Variants in SPATA3 observed in about 807,000 individuals in gnomAD.
SPATA3 encodes the protein spermatogenesis associated 3.
SPATA3 carries 6 observed loss-of-function variants against 5.7 expected under a neutral mutation model. That is an observed-to-expected ratio of 1.06 (90% confidence interval 0.58 to 2.09). The LOEUF (loss-of-function observed/expected upper bound fraction) is 2.09, where lower values mean the gene tolerates loss of function less well. SPATA3 is among the 30% of genes most tolerant of loss of function. The pLI is 0.00. For missense variants in SPATA3, 155 were observed against 130.4 expected (o/e 1.19, Z -0.92); for synonymous variants, 44 against 48.4 (o/e 0.91, Z 0.37).
chr2:231,015,155 C>T (rs1280699764), intron 6 of SPATA3, among the ~76,000 whole-genome samples: 1 of 151,598 alleles, frequency 6.6e-6, no homozygotes, highest in East Asian at 1.9e-4. Flanking sequence ...GCAAACCCTA[C>T]AGAGTCCCAA....
Position 231,002,678 on chromosome 2 carries a change from C to G in SPATA3, c.963-6C>G, listed in dbSNP as rs1450666753. The G allele has an allele frequency of 2.0e-6, 3 of 1,500,050 alleles. No individual in the cohort carries two copies. Among genetic ancestry groups the G allele is most frequent in the Non-Finnish European group, 1.8e-6 (2 of 1,120,328 alleles). The allele number at this position is 1,500,050 out of a possible 1,614,324, so 92.9% of individuals were successfully genotyped here. A position where few individuals can be genotyped will look rare whatever the true frequency, so the allele number is the denominator to read the frequency against. On this transcript the variant is annotated splice_region_variant and splice_polypyrimidine_tract_variant and intron_variant, in intron 2 of 2. Transcript: ENST00000645363. ...CCACCACCCCCACTTCTGCTTTGCTCTACAGAAAATCTTCAAGAAAACCCT... is the reference window on the plus strand; with the variant it reads ...CCACCACCCCCACTTCTGCTTTGCTGTACAGAAAATCTTCAAGAAAACCCT...
downstream of SPATA3, among the ~76,000 whole-genome samples, chr2:231,006,374 G>C (rs1189036867): frequency 6.6e-5 from 10 of 151,358 alleles, no homozygotes; most frequent in South Asian, 8.3e-4. Context: ...GTGGTGGCGG[G>C]CACCTGTAGT....
chr2:230,996,499 C>T (rs1198873431), intron 1 of SPATA3: 3 of 1,552,126 alleles, frequency 1.9e-6, no homozygotes, highest in Non-Finnish European at 2.6e-6. Flanking sequence ...TCTCCAGATG[C>T]TAACGTGAAG....
chr2:231,000,412 C>A lies in SPATA3; in HGVS notation c.837C>A (p.Cys279Ter), dbSNP rs1397485042. ...CGCATTCCTGCTCCTGTGCCACTTG[C>A]CCCTGCAGCTCCGCTTGCTGGCGTC... The change falls in exon 2 of 3, where the codon TGC becomes TGA. Residue 279 changes from cysteine (C) to a stop codon, truncating the protein, a stop_gained. Transcript: ENST00000645363. LOFTEE classifies it high-confidence loss of function. 3 of 1,542,352 alleles carry A rather than the reference C, an allele frequency of 1.9e-6. No homozygotes were observed. Among genetic ancestry groups the A allele is most frequent in the Non-Finnish European group, 2.6e-6 (3 of 1,140,818 alleles).
downstream of SPATA3, among the ~76,000 whole-genome samples, chr2:231,005,382 CCACCACCATCAT>C (rs1692561813): frequency 1.1e-5 from 1 of 91,216 alleles, no homozygotes; most frequent in Admixed American, 1.1e-4. Flanking sequence ...ACCACCATCA[CCACCACCATCAT>C]CACCACCACC....
chr2:231,014,082 C>A (rs559742882), exon 6 of SPATA3: 3 of 151,962 alleles, frequency 2.0e-5, no homozygotes, highest in African/African-American at 7.3e-5. Flanking sequence ...GGTTAGACAC[C>A]CTTCATCACA....
At chr2:231,017,292 C>T (rs1692958447) in intron 6 of SPATA3, among the ~76,000 whole-genome samples, 1 of 152,204 alleles carries the variant, frequency 6.6e-6, no homozygotes, top group African/African-American at 2.4e-5. Context: ...TTTCCCACTG[C>T]CCCCCTTTGC....
chr2:230,996,201 T>C lies in SPATA3; in HGVS notation c.791-4165T>C, dbSNP rs1054886927. 25 of 1,534,836 alleles carry C rather than the reference T, an allele frequency of 1.6e-5. No individual in the cohort carries two copies. The highest frequency in any genetic ancestry group is 9.6e-5 in the African/African-American group (7 of 72,742). On this transcript the variant is annotated intron_variant, in intron 1 of 2. An upstream start codon of the reference 5' UTR is lost. Coordinates refer to ENST00000645363, the Ensembl canonical transcript of SPATA3. ...GGAGCCGGGAGATTACGCAGCTCCA[T>C]GTAGGTCCACGTTTAGGTTGGGAGG... is the stretch of plus-strand genomic sequence containing the variant.
At chr2:231,011,085 A>AAAAAAG (rs568384228), downstream of SPATA3, among the ~76,000 whole-genome samples, 7 of 146,090 alleles carry the variant, frequency 4.8e-5, no homozygotes, top group African/African-American at 1.9e-4. Context: ...AAAAAAAAAA[A>AAAAAAG]AAAAGAAAAG....
chr2:231,010,578 A>G (rs1386844380), downstream of SPATA3, among the ~76,000 whole-genome samples: 2 of 152,166 alleles, frequency 1.3e-5, no homozygotes, highest in Non-Finnish European at 2.9e-5. Flanking sequence ...TCTTGTTTCT[A>G]TGGCATCTTG....
chr2:231,004,915 C>T (rs113030450), downstream of SPATA3, among the ~76,000 whole-genome samples: 23 of 152,178 alleles, frequency 1.5e-4, no homozygotes, highest in African/African-American at 5.3e-4. Context: ...ATAGCTACAT[C>T]ACCACTACTA....
intron 1 of SPATA3, among the ~76,000 whole-genome samples, chr2:230,997,347 G>T (rs1445364190): frequency 2.0e-5 from 3 of 152,090 alleles, no homozygotes; most frequent in African/African-American, 7.2e-5. Context: ...ATGATTGTGA[G>T]GCCTCCCCAG....
chr2:231,006,788 T>G (rs1692643088), downstream of SPATA3: 1 of 152,220 alleles, frequency 6.6e-6, no homozygotes, highest in Non-Finnish European at 1.5e-5. Flanking sequence ...AGAATTTTCT[T>G]TCCTAAAGTT....
At chr2:231,007,650 G>A (rs1332987945), downstream of SPATA3, among the ~76,000 whole-genome samples, 2 of 152,248 alleles carry the variant, frequency 1.3e-5, no homozygotes, top group Non-Finnish European at 2.9e-5. Flanking sequence ...CTGTGCCCAG[G>A]AACACTGTCT....
chr2:231,009,629 A>C (rs1692731903), downstream of SPATA3, among the ~76,000 whole-genome samples: 2 of 152,170 alleles, frequency 1.3e-5, no homozygotes, highest in Non-Finnish European at 2.9e-5. Context: ...GTCGTGGGCC[A>C]TAGGGATCCC....
chr2:231,017,437 C>T (rs1275447634), intron 6 of SPATA3, among the ~76,000 whole-genome samples: 2 of 152,208 alleles, frequency 1.3e-5, no homozygotes, highest in African/African-American at 4.8e-5. Flanking sequence ...AATTTCCCAG[C>T]ATTCTGAGCA....
intron 6 of SPATA3, among the ~76,000 whole-genome samples, chr2:231,018,680 T>C (rs1216149032): frequency 6.6e-6 from 1 of 152,072 alleles, no homozygotes; most frequent in African/African-American, 2.4e-5. Flanking sequence ...GTTTTCAGTA[T>C]TGGTTTTTCT....
chr2:231,004,041 C>T (rs1458998115), downstream of SPATA3: 1 of 152,176 alleles, frequency 6.6e-6, no homozygotes, highest in Non-Finnish European at 1.5e-5. Flanking sequence ...ACTTCCAGAC[C>T]TCCACCAGCC....
intron 6 of SPATA3, among the ~76,000 whole-genome samples, chr2:231,017,179 C>T (rs1692956692): frequency 6.6e-6 from 1 of 152,218 alleles, no homozygotes; most frequent in Non-Finnish European, 1.5e-5. Context: ...GGGAACCTAG[C>T]TCCATCTGGC....
Sources: gnomAD v4.1 joint callset for allele counts (sites outside exome capture counted in the v4.1 genomes callset) on GRCh38, gnomAD v4.1.1 for gene constraint, MANE v1.5 for transcripts, NCBI Gene and HGNC (gene_info 2026-07-23, HGNC 2026-07-21) for gene names.